The following TMEM87B variants were observed in gnomAD, a reference collection of about 807,000 sequenced individuals.
TMEM87B encodes transmembrane protein 87B.
Under a neutral mutation model 80.3 loss-of-function variants are expected in TMEM87B, and 83 were observed. The observed-to-expected ratio is 1.03, with a 90% CI of 0.87 to 1.24. TMEM87B has a LOEUF of 1.24. TMEM87B is among the 50% of genes most tolerant of loss of function. TMEM87B has a pLI of 0.00. For synonymous variants in TMEM87B, 219 were observed against 230.5 expected (o/e 0.95, Z 0.45); for missense variants, 625 against 674.4 (o/e 0.93, Z 0.81).
intron 2 of TMEM87B, among the ~76,000 whole-genome samples, chr2:112,063,708 T>G (rs1384395287): frequency 6.6e-6 from 1 of 152,232 alleles, no homozygotes; most frequent in East Asian, 1.9e-4. Context: ...TTGACTATTC[T>G]CAGCCTCTGG....
At chr2:112,058,232 C>T (rs1464578301) in intron 1 of TMEM87B, among the ~76,000 whole-genome samples, 1 of 152,210 alleles carries the variant, frequency 6.6e-6, no homozygotes, top group Admixed American at 6.5e-5. Flanking sequence ...CAAGTTCTGG[C>T]AGGGTTGTTA....
chr2:112,106,642 T>A (rs1375480338), intron 16 of TMEM87B, among the ~76,000 whole-genome samples: 1 of 152,208 alleles, frequency 6.6e-6, no homozygotes, highest in Non-Finnish European at 1.5e-5. Context: ...AAAAAATATT[T>A]TCTGCATGTT....
At chr2:112,060,767 C>A (rs1046535781) in intron 2 of TMEM87B, among the ~76,000 whole-genome samples, 13 of 152,070 alleles carry the variant, frequency 8.5e-5, no homozygotes, top group African/African-American at 3.1e-4. Context: ...CAACTCTTGA[C>A]CCCAGGTGAT....
intron 3 of TMEM87B, among the ~76,000 whole-genome samples, chr2:112,064,806 G>A: frequency 6.6e-6 from 1 of 152,190 alleles, no homozygotes; most frequent in East Asian, 1.9e-4. Flanking sequence ...TGATTCTCGT[G>A]ATAGTTGCTT....
intron 1 of TMEM87B, 142 bp downstream of exon 1, chr2:112,055,898 C>G (rs934156133): frequency 2.2e-5 from 25 of 1,156,576 alleles, no homozygotes; most frequent in Admixed American, 4.1e-5. Context: ...AGCCTTTTGT[C>G]TGTTACAGCC....
chr2:112,093,040 A>T (rs1400881214), intron 11 of TMEM87B, among the ~76,000 whole-genome samples: 1 of 152,066 alleles, frequency 6.6e-6, no homozygotes, highest in African/African-American at 2.4e-5. Flanking sequence ...TTTTTAAAAA[A>T]TTGTTTTTCT....
chr2:112,106,422 T>C (rs945587065), intron 16 of TMEM87B, among the ~76,000 whole-genome samples: 1 of 152,190 alleles, frequency 6.6e-6, no homozygotes, highest in African/African-American at 2.4e-5. Context: ...ATCTGCACAT[T>C]CGAGATGGGA....
At chr2:112,069,328 C>T (rs181493400) in intron 4 of TMEM87B, among the ~76,000 whole-genome samples, 1 of 152,204 alleles carries the variant, frequency 6.6e-6, no homozygotes, top group African/African-American at 2.4e-5. Context: ...CAGCCTTCAC[C>T]CTTAAGTAGG....
chr2:112,062,638 C>G (rs1033044953), intron 2 of TMEM87B, among the ~76,000 whole-genome samples: 4 of 152,282 alleles, frequency 2.6e-5, no homozygotes, highest in African/African-American at 9.6e-5. Context: ...TTTTTGAGTG[C>G]TGGAGGACGT....
intron 15 of TMEM87B, among the ~76,000 whole-genome samples, chr2:112,102,344 T>C (rs1419735031): frequency 1.3e-5 from 2 of 152,120 alleles, no homozygotes; most frequent in Non-Finnish European, 2.9e-5. Flanking sequence ...TATCCCAGGG[T>C]TGCAAGGCTG....
In TMEM87B at chr2:112,055,440, G is replaced by A. The variant is rs998419576; in HGVS notation, c.-152G>A. 5 of 876,002 alleles carry A rather than the reference G, an allele frequency of 5.7e-6. No individual in the cohort carries two copies. Among genetic ancestry groups the A allele is most frequent in the Non-Finnish European group, 6.5e-6 (4 of 619,462 alleles). The allele number at this position is 876,002 out of a possible 1,614,324, so 54.3% of individuals were successfully genotyped here. ...GCCGGGTTTCCCAGAACTGCACGGC[G>A]CCTCTCCGCCCAGGCCCAAGCGCGA... On this transcript the variant is annotated 5_prime_UTR_variant, in exon 1 of 19. Transcript: ENST00000283206.
At chr2:112,067,515 C>T (rs1678471915) in intron 4 of TMEM87B, among the ~76,000 whole-genome samples, 3 of 152,132 alleles carry the variant, frequency 2.0e-5, no homozygotes, top group Admixed American at 1.3e-4. Context: ...ATGAGAATTG[C>T]TTGAACTCGT....
intron 12 of TMEM87B, 38 bp downstream of exon 12, chr2:112,097,190 GT>G (rs769686992): frequency 1.3e-6 from 2 of 1,599,992 alleles, no homozygotes; most frequent in Admixed American, 1.8e-5. Context: ...AATTATCTTA[GT>G]ATTGTTATAT....
At chr2:112,093,351 T>C (rs1171870046) in intron 11 of TMEM87B, among the ~76,000 whole-genome samples, 1 of 152,250 alleles carries the variant, frequency 6.6e-6, no homozygotes, top group African/African-American at 2.4e-5. Context: ...ATTCTTAACC[T>C]TGTTTGGGTA....
Position 112,059,951 on chromosome 2 carries a change from CT to C in TMEM87B, c.166-24del, listed in dbSNP as rs546740332. The C allele has an allele frequency of 2.0e-4, 316 of 1,591,914 alleles. No homozygotes were observed. In the African/African-American group the frequency reaches 3.6e-3, roughly 18 times the overall value. Reference sequence around the variant, plus strand: ...TGCAAAAAAAACTTTCTAACAAGATCTTCCTGTGTTTGTTTTTCATTTTAGA... The same window carrying C: ...TGCAAAAAAAACTTTCTAACAAGATCTCCTGTGTTTGTTTTTCATTTTAGA... On this transcript the variant is annotated intron_variant, in intron 1 of 18. Transcript: ENST00000283206.
intron 2 of TMEM87B, among the ~76,000 whole-genome samples, chr2:112,063,534 G>A (rs1408987761): frequency 6.6e-6 from 1 of 152,136 alleles, no homozygotes; most frequent in African/African-American, 2.4e-5. Flanking sequence ...CTCATGCTGT[G>A]CTTTCACTCA....
rs1366639591 is a variant in TMEM87B at position 112,086,060 on chromosome 2, T to C, written c.894T>C (p.Ala298=). Residue 298 remains alanine (A), a synonymous_variant, in exon 9 of 19, where the codon GCT becomes GCC. Coordinates refer to ENST00000283206, the MANE Select transcript of TMEM87B (RefSeq NM_032824.3). ...ELISAIKRTL[A]RLLVIIVSLG... is the part of the protein sequence containing the mutation. The stretch of plus-strand genomic sequence containing the variant: ...TTTCTGCGATTAAGAGGACGTTGGC[T>C]CGCCTTCTCGTGATCATTGTGAGCC... 6.2e-7 allele frequency: 1 copy of C among 1,614,128 alleles called. No individual in the cohort carries two copies. The highest frequency in any genetic ancestry group is 1.3e-5 in the African/African-American group (1 of 74,950).
At position 112,055,325 on chromosome 2, in the gene TMEM87B, A is replaced by C. The variant is rs1168403664; in HGVS notation, c.-267A>C. The C allele has an allele frequency of 6.2e-6, 3 of 484,032 alleles. No individual in the cohort carries two copies. Among genetic ancestry groups the C allele is most frequent in the Middle Eastern group, 5.3e-4 (1 of 1,888 alleles). The allele number at this position is 484,032 out of a possible 1,614,324, so 30.0% of individuals were successfully genotyped here. ...GCCTCCACGTCTCGCCGCCAACTCCACATCCTGGCTCCTATCTCTGCCTTC... is the reference window on the plus strand; with the variant it reads ...GCCTCCACGTCTCGCCGCCAACTCCCCATCCTGGCTCCTATCTCTGCCTTC... On this transcript the variant is annotated 5_prime_UTR_variant, in exon 1 of 19. Transcript: ENST00000283206.
At chr2:112,094,418 C>G (rs991953094) in intron 11 of TMEM87B, among the ~76,000 whole-genome samples, 27 of 152,186 alleles carry the variant, frequency 1.8e-4, no homozygotes, top group Admixed American at 5.9e-4. Flanking sequence ...GCCTCAGCCT[C>G]CCAAAGTGCT....
Sources: gnomAD v4.1 joint callset for allele counts (sites outside exome capture counted in the v4.1 genomes callset) on GRCh38, gnomAD v4.1.1 for gene constraint, MANE v1.5 for transcripts, NCBI Gene and HGNC (gene_info 2026-07-23, HGNC 2026-07-21) for gene names.